PDGFC: variants seen among roughly 807,000 people sequenced by gnomAD.
PDGFC encodes platelet derived growth factor C, also known as platelet-derived growth factor C.
Under a neutral mutation model 35.5 loss-of-function variants are expected in PDGFC, and 12 were observed. The observed-to-expected ratio is 0.34, with a 90% confidence interval of 0.22 to 0.55. The LOEUF (loss-of-function observed/expected upper bound fraction) is 0.55, where lower values mean the gene tolerates loss of function less well. Ranked by LOEUF, PDGFC falls within the 20% of genes least tolerant of loss-of-function variation. The pLI, the probability that PDGFC is intolerant of heterozygous loss-of-function variation, is 0.91. For synonymous variants in PDGFC, 159 were observed against 148.8 expected (o/e 1.07, Z -0.50); for missense variants, 322 against 412.4 (o/e 0.78, Z 1.90).
chr4:156,771,808 A>G (rs1167143314), intron 4 of PDGFC, among the ~76,000 whole-genome samples: 2 of 152,202 alleles, frequency 1.3e-5, no homozygotes, highest in African/African-American at 2.4e-5. Flanking sequence ...CTGTCACTGC[A>G]TTCTCCAAAG....
chr4:156,968,086 C>A (rs1216034437), intron 1 of PDGFC, among the ~76,000 whole-genome samples: 1 of 152,170 alleles, frequency 6.6e-6, no homozygotes, highest in African/African-American at 2.4e-5. Flanking sequence ...ATGATCCAGT[C>A]TAAATCCATG....
At chr4:156,881,827 CAAAA>C (rs758716456) in intron 1 of PDGFC, among the ~76,000 whole-genome samples, 2 of 82,242 alleles carry the variant, frequency 2.4e-5, no homozygotes, top group Admixed American at 1.5e-4. Context: ...GCCTCAGTCT[CAAAA>C]AAAAAAAAAA....
intron 1 of PDGFC, among the ~76,000 whole-genome samples, chr4:156,935,218 G>A (rs542740232): frequency 2.0e-5 from 3 of 152,138 alleles, no homozygotes; most frequent in Admixed American, 6.5e-5. Context: ...GGATGGTCTC[G>A]ATCTCTTGAC....
At chr4:156,790,163 T>C (rs528132138) in intron 3 of PDGFC, among the ~76,000 whole-genome samples, 3 of 152,278 alleles carry the variant, frequency 2.0e-5, no homozygotes, top group Non-Finnish European at 4.4e-5. Flanking sequence ...GTAAGACAGA[T>C]AATAACACAT....
chr4:156,970,775 GA>G lies in PDGFC; in HGVS notation c.118+10del, dbSNP rs1406539113. 1.3e-6 allele frequency: 2 copies of G among 1,523,462 alleles called. No homozygotes were observed. Among genetic ancestry groups the G allele is most frequent in the African/African-American group, 1.4e-5 (1 of 73,114 alleles). 94.4% of individuals were successfully genotyped at this position (1,523,462 alleles called of 1,614,324 possible). ...AGAAACAAGCAGGGGGAGAATGGGG[GA>G]AAGACTCACCGTTCTGTTCCTTGTT... is the stretch of plus-strand genomic sequence containing the variant. On this transcript the variant is annotated intron_variant, in intron 1 of 5. Coordinates refer to ENST00000502773, the MANE Select transcript of PDGFC (RefSeq NM_016205.3).
chr4:156,776,096 A>AG (rs1225690918), intron 3 of PDGFC, among the ~76,000 whole-genome samples: 2 of 152,140 alleles, frequency 1.3e-5, no homozygotes, highest in South Asian at 2.1e-4. Flanking sequence ...TCAGAGAGAA[A>AG]GGGGGGAGCA....
rs149433384 is a variant in PDGFC at position 156,781,090 on chromosome 4, C to T, written c.496-8197G>A. Among the ~76,000 whole-genome samples the T allele has an allele frequency of 1.0e-3, 157 of 152,202 alleles. 3 individuals are homozygous for T. The East Asian group carries it at 0.024, about 23-fold the overall frequency. On this transcript the variant is annotated intron_variant, in intron 3 of 5. Coordinates refer to ENST00000502773, the MANE Select transcript of PDGFC (RefSeq NM_016205.3). ...CAAAGCATTGCATATCATTTATACG[C>T]GGACTACCAGAAAATTCCTATTTCT...
chr4:156,782,660 C>T lies in PDGFC; in HGVS notation c.496-9767G>A, dbSNP rs1731014613. Among the ~76,000 whole-genome samples the T allele has an allele frequency of 3.9e-5, 6 of 152,218 alleles. No homozygotes were observed. The South Asian group carries it at 1.2e-3, about 32-fold the overall frequency. On this transcript the variant is annotated intron_variant, in intron 3 of 5. Coordinates refer to ENST00000502773, the MANE Select transcript of PDGFC (RefSeq NM_016205.3). The stretch of plus-strand genomic sequence containing the variant: ...ATGTTTTTACATGTCGGTCACCACA[C>T]TAAAATGAGATTGTGTCTCACGGTC...
chr4:156,923,990 T>C (rs1373459784), intron 1 of PDGFC, among the ~76,000 whole-genome samples: 3 of 152,174 alleles, frequency 2.0e-5, no homozygotes, highest in African/African-American at 7.2e-5. Flanking sequence ...TGCTGATGTC[T>C]ATTCCTGAGA....
rs115419821 is a variant in PDGFC at position 156,883,959 on chromosome 4, C to T, written c.119-33543G>A. 5.6e-3 allele frequency among the ~76,000 whole-genome samples: 848 copies of T among 152,250 alleles called. 8 individuals carry two copies. The highest frequency in any genetic ancestry group is 0.044 in the South Asian group (211 of 4,824). On this transcript the variant is annotated intron_variant, in intron 1 of 5. Transcript: ENST00000502773. The stretch of plus-strand genomic sequence containing the variant: ...TCTCTGGTCACAAACAATGCTCACA[C>T]AAATCTTCAGAAGGAAATTAGGGAT...
chr4:156,868,494 T>C (rs1273890336), intron 1 of PDGFC, among the ~76,000 whole-genome samples: 1 of 152,182 alleles, frequency 6.6e-6, no homozygotes, highest in Non-Finnish European at 1.5e-5. Flanking sequence ...AACCTAGTGA[T>C]GCTTTACGAT....
intron 2 of PDGFC, among the ~76,000 whole-genome samples, chr4:156,826,322 A>G (rs1228458290): frequency 1.5e-5 from 2 of 134,498 alleles, no homozygotes; most frequent in East Asian, 3.9e-4. Flanking sequence ...CCTCCTGAGT[A>G]GCTGTGAGTA....
At chr4:156,848,127 A>G (rs1459493338) in intron 2 of PDGFC, among the ~76,000 whole-genome samples, 1 of 150,770 alleles carries the variant, frequency 6.6e-6, no homozygotes, top group African/African-American at 2.4e-5. Flanking sequence ...ATAAGCAGGC[A>G]TGATAAAAAG....
chr4:156,829,394 G>A (rs1322799993), intron 2 of PDGFC, among the ~76,000 whole-genome samples: 2 of 152,132 alleles, frequency 1.3e-5, no homozygotes, highest in African/African-American at 4.8e-5. Context: ...TTCATATTTT[G>A]TAGCATGAAA....
At chr4:156,919,676 T>C (rs1316110998) in intron 1 of PDGFC, among the ~76,000 whole-genome samples, 1 of 152,136 alleles carries the variant, frequency 6.6e-6, no homozygotes, top group Non-Finnish European at 1.5e-5. Flanking sequence ...TGCCTGCCCC[T>C]GAAGTAACTC....
At chr4:156,782,956 T>C (rs1277883699) in intron 3 of PDGFC, among the ~76,000 whole-genome samples, 1 of 152,190 alleles carries the variant, frequency 6.6e-6, no homozygotes, top group African/African-American at 2.4e-5. Flanking sequence ...CTGTGTCCTT[T>C]AGGTAATGAC....
intron 2 of PDGFC, among the ~76,000 whole-genome samples, chr4:156,830,199 T>C (rs545080774): frequency 2.7e-4 from 41 of 151,604 alleles, no homozygotes; most frequent in African/African-American, 9.7e-4. Context: ...TCTTAAAATA[T>C]ACAGCAAATA....
chr4:156,932,505 A>C (rs1054214621), intron 1 of PDGFC, among the ~76,000 whole-genome samples: 3 of 152,158 alleles, frequency 2.0e-5, no homozygotes, highest in African/African-American at 7.2e-5. Flanking sequence ...CCAAATGTAC[A>C]ACAATGATAG....
rs1267062505 is a variant in PDGFC at position 156,825,593 on chromosome 4, T to TAATAAGAAGAAG, written c.315-14577_315-14576insCTTCTTCTTATT. Among the ~76,000 whole-genome samples, 138 of 62,178 alleles carry TAATAAGAAGAAG rather than the reference T, an allele frequency of 2.2e-3. 2 individuals are homozygous for TAATAAGAAGAAG. The highest frequency in any genetic ancestry group is 8.6e-3 in the Middle Eastern group (1 of 116). The allele number at this position is 62,178 out of a possible 152,430, so 40.8% of individuals were successfully genotyped here. On this transcript the variant is annotated intron_variant, in intron 2 of 5. Transcript: ENST00000502773. The stretch of plus-strand genomic sequence containing the variant: ...ATAATAATAATAATAATAATAATAA[T>TAATAAGAAGAAG]AAGAAGAAGAAGAAGAAGAAGAAGA...
Sources: gnomAD v4.1 joint callset for allele counts (sites outside exome capture counted in the v4.1 genomes callset) on GRCh38, gnomAD v4.1.1 for gene constraint, MANE v1.5 for transcripts, NCBI Gene and HGNC (gene_info 2026-07-23, HGNC 2026-07-21) for gene names.